ADGRL3: variants seen among roughly 807,000 people sequenced by gnomAD.
ADGRL3 encodes the protein calcium-independent alpha-latrotoxin receptor 3.
Under a neutral mutation model 153.5 loss-of-function variants are expected in ADGRL3, and 62 were observed. The observed-to-expected ratio is 0.40, with a 90% confidence interval of 0.33 to 0.50. The LOEUF (loss-of-function observed/expected upper bound fraction) is 0.50. ADGRL3 is among the 20% of genes least tolerant of loss of function. ADGRL3 has a pLI of 0.47. For missense variants in ADGRL3, 1,641 were observed against 1,859.4 expected, an observed-to-expected ratio of 0.88 and a Z score of 2.16; for synonymous variants, 710 against 672.5, an observed-to-expected ratio of 1.06 and a Z score of -0.86.
chr4:61,270,015 C>T (rs2093070354), intron 1 of ADGRL3, among the ~76,000 whole-genome samples: 3 of 151,742 alleles, frequency 2.0e-5, no homozygotes, highest in South Asian at 4.1e-4. Flanking sequence ...TTCCAAATAG[C>T]ATGGCAAAGA....
chr4:61,395,198 C>T (rs1578623446), intron 2 of ADGRL3, among the ~76,000 whole-genome samples: 2 of 151,968 alleles, frequency 1.3e-5, no homozygotes, highest in South Asian at 4.1e-4. Context: ...GGTATTTATT[C>T]TAGACAAAGT....
At chr4:61,676,958 C>A in intron 6 of ADGRL3, 23 bp downstream of exon 6, 2 of 1,454,008 alleles carry the variant, frequency 1.4e-6, no homozygotes, top group South Asian at 1.2e-5. Flanking sequence ...CTATACTTTT[C>A]TTGGCAAGAG....
At position 62,074,233 on chromosome 4, in the gene ADGRL3, C is replaced by A. The variant is rs1432902501; in HGVS notation, c.*3325C>A. The A allele has an allele frequency of 6.6e-6, 1 of 152,052 alleles. No homozygotes were observed. The highest frequency in any genetic ancestry group is 6.6e-5 in the Admixed American group (1 of 15,240). 9.4% of individuals were successfully genotyped at this position (152,052 alleles called of 1,614,324 possible). On this transcript the variant is annotated 3_prime_UTR_variant, in exon 27 of 27. Transcript: ENST00000683033. ...TCCGTCAAACAGATGTAGTATACCG[C>A]TATAATACAGCTTATTTAGCCAGCT...
intron 4 of ADGRL3, among the ~76,000 whole-genome samples, chr4:61,518,474 G>A (rs2098510898): frequency 6.6e-6 from 1 of 152,214 alleles, no homozygotes; most frequent in African/African-American, 2.4e-5. Flanking sequence ...CCGTTGAAGA[G>A]TTCTCTGGTA....
chr4:61,658,154 C>A (rs2150518290), intron 5 of ADGRL3, among the ~76,000 whole-genome samples: 1 of 152,274 alleles, frequency 6.6e-6, no homozygotes, highest in East Asian at 1.9e-4. Flanking sequence ...TATTCCCTCC[C>A]TCCTTTTAAC....
chr4:61,735,308 A>G (rs2151847011), intron 8 of ADGRL3, among the ~76,000 whole-genome samples: 1 of 152,360 alleles, frequency 6.6e-6, no homozygotes, highest in East Asian at 1.9e-4. Context: ...GAGTGACAGC[A>G]CTTGTTTCCA....
chr4:61,822,781 A>G (rs1046417019), intron 9 of ADGRL3, among the ~76,000 whole-genome samples: 18 of 152,114 alleles, frequency 1.2e-4, no homozygotes, highest in Non-Finnish European at 5.9e-5. Context: ...AAAGGAGCCA[A>G]TTGAGAAGGG....
At chr4:61,727,669 T>C (rs2096372855) in intron 6 of ADGRL3, among the ~76,000 whole-genome samples, 1 of 152,154 alleles carries the variant, frequency 6.6e-6, no homozygotes, top group Non-Finnish European at 1.5e-5. Flanking sequence ...ACCACCCATA[T>C]ACTTTTTCTT....
intron 1 of ADGRL3, among the ~76,000 whole-genome samples, chr4:61,358,747 A>G (rs75410313): frequency 0.032 from 4,840 of 152,002 alleles, 174 homozygotes; most frequent in South Asian, 0.083. Flanking sequence ...TCTCTAATCT[A>G]CAAGTTTTGG....
At chr4:61,819,345 G>A (rs1248035156) in intron 9 of ADGRL3, among the ~76,000 whole-genome samples, 1 of 151,854 alleles carries the variant, frequency 6.6e-6, no homozygotes, top group Non-Finnish European at 1.5e-5. Flanking sequence ...CCTTTGAATT[G>A]CCTACAAACT....
chr4:61,818,514 G>C (rs575319831), intron 9 of ADGRL3, among the ~76,000 whole-genome samples: 1 of 152,278 alleles, frequency 6.6e-6, no homozygotes, highest in South Asian at 2.1e-4. Flanking sequence ...ACACAAACAG[G>C]GCTGAAGGGG....
intron 6 of ADGRL3, among the ~76,000 whole-genome samples, chr4:61,688,357 G>A (rs1390346573): frequency 1.3e-5 from 2 of 152,028 alleles, no homozygotes; most frequent in Non-Finnish European, 2.9e-5. Context: ...TAGAAGTTAC[G>A]AGTAAGAGCT....
At chr4:61,603,095 A>T (rs1471419333) in intron 5 of ADGRL3, among the ~76,000 whole-genome samples, 2 of 152,162 alleles carry the variant, frequency 1.3e-5, no homozygotes. Flanking sequence ...TATCCTTGTG[A>T]ATATTGTCTC....
At chr4:61,233,980 A>G (rs1480983306) in intron 1 of ADGRL3, among the ~76,000 whole-genome samples, 3 of 152,120 alleles carry the variant, frequency 2.0e-5, no homozygotes, top group Non-Finnish European at 1.5e-5. Context: ...TGGTCTTAGA[A>G]GATTATGAAA....
intron 2 of ADGRL3, among the ~76,000 whole-genome samples, chr4:61,422,062 A>C (rs1161987987): frequency 6.6e-6 from 1 of 152,122 alleles, no homozygotes; most frequent in Non-Finnish European, 1.5e-5. Context: ...AACTTATATA[A>C]AGGATATACT....
intron 1 of ADGRL3, among the ~76,000 whole-genome samples, chr4:61,276,734 TGAAATTTA>T (rs1049250776): frequency 3.9e-5 from 6 of 152,208 alleles, no homozygotes; most frequent in African/African-American, 1.4e-4. Context: ...AGAAGACAAC[TGAAATTTA>T]GAAAGAAAGC....
intron 5 of ADGRL3, among the ~76,000 whole-genome samples, chr4:61,644,308 T>A (rs937044296): frequency 1.3e-5 from 2 of 150,672 alleles, no homozygotes; most frequent in Non-Finnish European, 3.0e-5. Context: ...GCTCTGATTT[T>A]AGTTATTTCT....
intron 2 of ADGRL3, among the ~76,000 whole-genome samples, chr4:61,454,008 T>C (rs746035729): frequency 6.6e-6 from 1 of 152,150 alleles, no homozygotes; most frequent in Non-Finnish European, 1.5e-5. Context: ...CAGTTGTTCA[T>C]TGTAATTGAA....
At chr4:61,659,897 CAAAAAAA>C (rs566191178) in intron 5 of ADGRL3, among the ~76,000 whole-genome samples, 2 of 109,108 alleles carry the variant, frequency 1.8e-5, no homozygotes, top group Non-Finnish European at 3.5e-5. Context: ...GTGAAGATTA[CAAAAAAA>C]AAAAAAAAAA....
Sources: allele counts gnomAD v4.1 joint callset (sites outside exome capture counted in the v4.1 genomes callset), GRCh38; gene constraint gnomAD v4.1.1; transcripts MANE v1.5; gene names NCBI Gene and HGNC (gene_info 2026-07-23, HGNC 2026-07-21).